The following COL28A1 variants were observed in gnomAD, a reference collection of about 807,000 sequenced individuals.
COL28A1 encodes collagen alpha-1(XXVIII) chain.
Under a neutral mutation model 150.2 loss-of-function variants are expected in COL28A1, and 161 were observed. The ratio of observed to expected loss-of-function variants is 1.07; its 90% CI spans 0.94 to 1.22. The LOEUF (loss-of-function observed/expected upper bound fraction) is 1.22. COL28A1 is among the 50% of genes most tolerant of loss of function. COL28A1 has a pLI of 0.00. For synonymous variants in COL28A1, 552 were observed against 469.7 expected, an observed-to-expected ratio of 1.18 and a Z score of -2.26; for missense variants, 1,617 against 1,388.3, an observed-to-expected ratio of 1.16 and a Z score of -2.62.
In COL28A1 at chr7:7,373,339, G is replaced by C; in HGVS notation, c.2567C>G (p.Ser856Cys). 1.2e-6 allele frequency: 2 copies of C among 1,614,140 alleles called. No individual in the cohort carries two copies. Among genetic ancestry groups the C allele is most frequent in the Non-Finnish European group, 1.7e-6 (2 of 1,180,022 alleles). Residue 856 changes from serine (S) to cysteine (C), a missense_variant, in exon 32 of 35, where the codon TCC (serine) becomes TGC (cysteine). Physicochemically the swap from Ser to Cys is moderately radical, Grantham distance 112. Transcript: ENST00000399429. This position sits in a 1 kb window ranked among gnomAD's most constrained non-coding sequence, Gnocchi z 4.1. Reference sequence around the variant, plus strand: ...AGCCAACTTGAAGTCATCCTTGCTGGAGAACTGCTTCAAATTAGCCACCTT... The same window carrying C: ...AGCCAACTTGAAGTCATCCTTGCTGCAGAACTGCTTCAAATTAGCCACCTT... ...VEKVANLKQF[S>C]SKDDFKLAVD...
intron 30 of COL28A1, 127 bp downstream of exon 30, chr7:7,380,533 A>T: frequency 1.3e-6 from 1 of 756,854 alleles, no homozygotes; most frequent in Non-Finnish European, 2.2e-6. Context: ...GGCTGGTAGT[A>T]GTTGATCTCA....
chr7:7,461,371 T>C (rs1489502063), intron 15 of COL28A1, among the ~76,000 whole-genome samples: 1 of 152,124 alleles, frequency 6.6e-6, no homozygotes, highest in African/African-American at 2.4e-5. Context: ...TTTCAACAGA[T>C]TGAGAAGTCT....
At chr7:7,350,576 A>G in the COL28A1 span, among the ~76,000 whole-genome samples, 1 of 152,034 alleles carries the variant, frequency 6.6e-6, no homozygotes, top group Admixed American at 6.6e-5. Context: ...TAAAGATGAG[A>G]TAATTACTTA....
chr7:7,538,950 CTTTCT>C (rs1019175176), upstream of COL28A1, among the ~76,000 whole-genome samples: 2 of 151,184 alleles, frequency 1.3e-5, no homozygotes, highest in African/African-American at 4.9e-5. Flanking sequence ...TCCTTTCTTT[CTTTCT>C]TTTTTTCTTT....
intron 30 of COL28A1, among the ~76,000 whole-genome samples, chr7:7,379,595 G>A (rs944174158): frequency 6.6e-6 from 1 of 152,114 alleles, no homozygotes; most frequent in Non-Finnish European, 1.5e-5. Context: ...TTTCCCCAGT[G>A]CCTATTTTGG....
In COL28A1 at chr7:7,373,205, C is replaced by A; in HGVS notation, c.2701G>T (p.Val901Phe). ...GAATCTGTCTGTCCATCAGTGATGA[C>A]CAAGGCCACTTTTTTTACACCTGGC... ...ARPGVKKVAL[V>F]ITDGQTDSRD... Residue 901 changes from valine (V) to phenylalanine (F), a missense_variant, in exon 32 of 35, where the codon GTC becomes TTC. Transcript: ENST00000399429. This position sits in a 1 kb window ranked among gnomAD's most constrained non-coding sequence, Gnocchi z 4.1. 1 of 1,614,180 alleles carries A rather than the reference C, an allele frequency of 6.2e-7. No homozygotes were observed. The highest frequency in any genetic ancestry group is 8.5e-7 in the Non-Finnish European group (1 of 1,180,034).
chr7:7,351,314 C>G (rs960717729), downstream of COL28A1, among the ~76,000 whole-genome samples: 1 of 152,152 alleles, frequency 6.6e-6, no homozygotes, highest in Admixed American at 6.6e-5. Context: ...ACAATAATAA[C>G]ACAATTATTA....
chr7:7,345,378 T>C, the COL28A1 span, among the ~76,000 whole-genome samples: 1 of 152,074 alleles, frequency 6.6e-6, no homozygotes, highest in Non-Finnish European at 1.5e-5. Flanking sequence ...AATCAAATTA[T>C]AAAATCCAAG....
intron 3 of COL28A1, among the ~76,000 whole-genome samples, chr7:7,528,737 G>T (rs1262312517): frequency 1.3e-5 from 2 of 152,058 alleles, no homozygotes; most frequent in Non-Finnish European, 2.9e-5. Context: ...GGAGCAAATG[G>T]GGTCTTACAA....
intron 11 of COL28A1, among the ~76,000 whole-genome samples, chr7:7,496,453 T>G (rs1333840417): frequency 2.0e-5 from 3 of 152,226 alleles, no homozygotes; most frequent in African/African-American, 7.2e-5. Flanking sequence ...TGTGGTTCAC[T>G]TAGGTTTTCA....
At chr7:7,395,605 A>G (rs1782791866) in intron 27 of COL28A1, among the ~76,000 whole-genome samples, 1 of 152,228 alleles carries the variant, frequency 6.6e-6, no homozygotes, top group South Asian at 2.1e-4. Context: ...ACTTCTGGCT[A>G]ACCATCAGTT....
intron 33 of COL28A1, among the ~76,000 whole-genome samples, chr7:7,362,718 G>A (rs771980850): frequency 2.2e-4 from 33 of 152,158 alleles, no homozygotes; most frequent in Non-Finnish European, 4.3e-4. Context: ...TACAAGTGGA[G>A]ACAAAACTGT....
intron 33 of COL28A1, 81 bp from the exon 34 acceptor site, chr7:7,360,609 G>A: frequency 8.3e-7 from 1 of 1,198,576 alleles, no homozygotes; most frequent in East Asian, 2.7e-5. Context: ...AACATATAAA[G>A]ACTAGTTCAG....
At chr7:7,413,651 G>A (rs891803838) in intron 27 of COL28A1, among the ~76,000 whole-genome samples, 2 of 152,104 alleles carry the variant, frequency 1.3e-5, no homozygotes, top group African/African-American at 2.4e-5. Context: ...AACCATAAAT[G>A]GAAGACAAGG....
intron 21 of COL28A1, among the ~76,000 whole-genome samples, chr7:7,439,468 C>A (rs530224662): frequency 6.6e-6 from 1 of 152,250 alleles, no homozygotes; most frequent in East Asian, 1.9e-4. Context: ...TTTAATTTTA[C>A]TTCTTTTTTC....
At chr7:7,455,195 C>T (rs1417900119) in intron 16 of COL28A1, among the ~76,000 whole-genome samples, 1 of 152,116 alleles carries the variant, frequency 6.6e-6, no homozygotes, top group Non-Finnish European at 1.5e-5. Flanking sequence ...AAACCTTACT[C>T]ATAAATCTTA....
chr7:7,527,150 T>C (rs1472734795), intron 3 of COL28A1, among the ~76,000 whole-genome samples: 1 of 152,234 alleles, frequency 6.6e-6, no homozygotes, highest in Non-Finnish European at 1.5e-5. Flanking sequence ...CTGGAATTTA[T>C]ATTTCTATGG....
chr7:7,455,993 AT>A, intron 16 of COL28A1, 50 bp downstream of exon 16: 1 of 1,608,878 alleles, frequency 6.2e-7, no homozygotes. Context: ...GAAGACCAGG[AT>A]TGGGCTGGAA....
chr7:7,495,146 T>C (rs1270189201), intron 11 of COL28A1, among the ~76,000 whole-genome samples: 2 of 152,220 alleles, frequency 1.3e-5, no homozygotes, highest in South Asian at 4.1e-4. Context: ...TTATAATTAA[T>C]AAATTTTACT....
Sources: allele counts gnomAD v4.1 joint callset (sites outside exome capture counted in the v4.1 genomes callset), GRCh38; gene constraint gnomAD v4.1.1; non-coding constraint Gnocchi (gnomAD v3.1); transcripts MANE v1.5; gene names NCBI Gene and HGNC (gene_info 2026-07-23, HGNC 2026-07-21).